Variants in VPS37A observed in about 807,000 individuals in gnomAD.
VPS37A encodes vacuolar protein sorting-associated protein 37A.
Under a neutral mutation model 49.8 loss-of-function variants are expected in VPS37A, and 30 were observed. The ratio of observed to expected loss-of-function variants is 0.60; its 90% confidence interval spans 0.45 to 0.82. The LOEUF is 0.82. Ranked by LOEUF, VPS37A falls within the 40% of genes least tolerant of loss-of-function variation. The pLI is 0.00. For synonymous variants in VPS37A, 195 were observed against 160.6 expected, an observed-to-expected ratio of 1.21 and a Z score of -1.62; for missense variants, 593 against 464.4, an observed-to-expected ratio of 1.28 and a Z score of -2.55.
intron 1 of VPS37A, among the ~76,000 whole-genome samples, chr8:17,252,822 A>G (rs974835405): frequency 2.6e-5 from 4 of 152,246 alleles, no homozygotes; most frequent in South Asian, 2.1e-4. Flanking sequence ...AAAAAATTCT[A>G]CAAGCATCTG....
At chr8:17,255,369 T>C (rs893995590) in intron 1 of VPS37A, among the ~76,000 whole-genome samples, 1 of 152,042 alleles carries the variant, frequency 6.6e-6, no homozygotes, top group Non-Finnish European at 1.5e-5. Flanking sequence ...TAATCCCAGC[T>C]ACTCGGGAGG....
chr8:17,277,581 C>T (rs1814635992), intron 6 of VPS37A, among the ~76,000 whole-genome samples: 2 of 151,954 alleles, frequency 1.3e-5, no homozygotes, highest in East Asian at 1.9e-4. Context: ...CCAGATAATA[C>T]ATCCTTTTTA....
downstream of VPS37A, chr8:17,300,069 C>G (rs755175104): frequency 6.2e-6 from 10 of 1,613,962 alleles, no homozygotes; most frequent in Admixed American, 1.3e-4. Context: ...GTGAAGGGCT[C>G]CGGGATGGAA....
downstream of VPS37A, among the ~76,000 whole-genome samples, chr8:17,307,024 A>C (rs1419727069): frequency 1.3e-5 from 2 of 152,210 alleles, no homozygotes; most frequent in Non-Finnish European, 2.9e-5. Context: ...GCAGCAAAAG[A>C]CAAAATTGAC....
In VPS37A at chr8:17,269,350, C is replaced by T. The variant is rs1291050137; in HGVS notation, c.416+394C>T. Among the ~76,000 whole-genome samples the T allele has an allele frequency of 7.2e-5, 11 of 152,222 alleles. No individual in the cohort carries two copies. The South Asian group carries it at 1.4e-3, about 20-fold the overall frequency. On this transcript the variant is annotated intron_variant, in intron 4 of 11. Transcript: ENST00000324849. Reference sequence around the variant, plus strand: ...CTGTGACTCTCAATATTGTCCATTGCTGAGCCAAGTATGTTACCATGTTTA... The same window carrying T: ...CTGTGACTCTCAATATTGTCCATTGTTGAGCCAAGTATGTTACCATGTTTA...
chr8:17,318,851 T>A, the VPS37A span, among the ~76,000 whole-genome samples: 1 of 152,226 alleles, frequency 6.6e-6, no homozygotes, highest in South Asian at 2.1e-4. Flanking sequence ...CAGCCCCTGC[T>A]GCAGGCCTTC....
rs1000910730 is a variant in VPS37A at position 17,265,893 on chromosome 8, A to C, written c.126-14A>C. 9 of 1,613,076 alleles carry C rather than the reference A, an allele frequency of 5.6e-6. No homozygotes were observed. Among genetic ancestry groups the C allele is most frequent in the Non-Finnish European group, 7.6e-6 (9 of 1,179,550 alleles). On this transcript the variant is annotated splice_polypyrimidine_tract_variant and intron_variant, in intron 1 of 11. Coordinates refer to ENST00000324849, the MANE Select transcript of VPS37A (RefSeq NM_152415.3). ...CATGACTTTGGGTAAATTTTTTAAA[A>C]TTTTCTCCTGCAGTATAGCCGAAAT...
chr8:17,266,648 C>T lies in VPS37A; in HGVS notation c.200+667C>T, dbSNP rs144023887. Among the ~76,000 whole-genome samples, 407 of 152,322 alleles carry T rather than the reference C, an allele frequency of 2.7e-3. 3 individuals carry two copies. Among genetic ancestry groups the T allele is most frequent in the Middle Eastern group, 0.01 (3 of 294 alleles). On this transcript the variant is annotated intron_variant, in intron 2 of 11. Coordinates refer to ENST00000324849, the MANE Select transcript of VPS37A (RefSeq NM_152415.3). The stretch of plus-strand genomic sequence containing the variant: ...CCTAACTTGAAGACAGGAACCTTAT[C>T]ATATTCACCTTCACGTTCTCCTTGC...
At chr8:17,270,336 C>T (rs1585991607) in intron 4 of VPS37A, among the ~76,000 whole-genome samples, 3 of 152,092 alleles carry the variant, frequency 2.0e-5, no homozygotes, top group South Asian at 2.1e-4. Context: ...GGACCAGTGG[C>T]GATAACTCAT....
At chr8:17,254,568 C>T (rs1812264275) in intron 1 of VPS37A, among the ~76,000 whole-genome samples, 1 of 152,132 alleles carries the variant, frequency 6.6e-6, no homozygotes, top group Non-Finnish European at 1.5e-5. Context: ...CAAACTGCTC[C>T]AAACTTTATA....
At chr8:17,311,715 CTG>C in the VPS37A span, 24 of 1,596,710 alleles carry the variant, frequency 1.5e-5, no homozygotes, top group East Asian at 2.7e-4. Flanking sequence ...CCAGGTTTGA[CTG>C]TATATTTACA....
intron 4 of VPS37A, among the ~76,000 whole-genome samples, chr8:17,269,285 C>T (rs1378966944): frequency 1.3e-5 from 2 of 152,096 alleles, no homozygotes; most frequent in African/African-American, 4.8e-5. Flanking sequence ...GAAATTATAT[C>T]ATGATTTTTA....
rs1165966836 is a variant in VPS37A at position 17,296,814 on chromosome 8, T to A, written c.*1828T>A. 1 of 152,218 alleles carries A rather than the reference T, an allele frequency of 6.6e-6. No homozygotes were observed. The highest frequency in any genetic ancestry group is 2.1e-4 in the South Asian group (1 of 4,834). The allele number at this position is 152,218 out of a possible 1,614,324, so 9.4% of individuals were successfully genotyped here. A position where few individuals can be genotyped will look rare whatever the true frequency, so the allele number is the denominator to read the frequency against. ...ATGAGTAGTTCATCTCAGTGTTTTTTATTCTTTAAAGTTGAACTATCCCAG... is the reference window on the plus strand; with the variant it reads ...ATGAGTAGTTCATCTCAGTGTTTTTAATTCTTTAAAGTTGAACTATCCCAG... On this transcript the variant is annotated 3_prime_UTR_variant, in exon 12 of 12. Coordinates refer to ENST00000324849, the MANE Select transcript of VPS37A (RefSeq NM_152415.3).
chr8:17,288,729 T>C (rs1815858104), intron 11 of VPS37A, among the ~76,000 whole-genome samples: 1 of 152,202 alleles, frequency 6.6e-6, no homozygotes, highest in Non-Finnish European at 1.5e-5. Context: ...ACTTTGGGTA[T>C]ATACCCAGTA....
chr8:17,322,504 G>A, the VPS37A span, among the ~76,000 whole-genome samples: 2 of 152,124 alleles, frequency 1.3e-5, no homozygotes, highest in South Asian at 2.1e-4. Flanking sequence ...AACTGCAGAG[G>A]TGTGTAAAAC....
At chr8:17,266,876 G>A (rs999690612) in intron 2 of VPS37A, among the ~76,000 whole-genome samples, 3 of 152,012 alleles carry the variant, frequency 2.0e-5, no homozygotes, top group Admixed American at 1.3e-4. Flanking sequence ...GGGTTCAAGC[G>A]ATTCTCCTGC....
intron 1 of VPS37A, among the ~76,000 whole-genome samples, chr8:17,263,554 G>A (rs912841596): frequency 4.9e-4 from 75 of 152,072 alleles, no homozygotes; most frequent in African/African-American, 1.8e-3. Context: ...ACTGTCATCA[G>A]TATAACTGGA....
the VPS37A span, among the ~76,000 whole-genome samples, chr8:17,319,989 TA>T: frequency 1.3e-5 from 2 of 152,192 alleles, no homozygotes. Flanking sequence ...GCTGTAAGTG[TA>T]AAATATGAAT....
chr8:17,331,903 G>T, the VPS37A span, among the ~76,000 whole-genome samples: 1 of 152,120 alleles, frequency 6.6e-6, no homozygotes, highest in African/African-American at 2.4e-5. Context: ...TGGGCTTTTT[G>T]ATCACTTTCA....
Sources: allele counts gnomAD v4.1 joint callset (sites outside exome capture counted in the v4.1 genomes callset), GRCh38; gene constraint gnomAD v4.1.1; transcripts MANE v1.5; gene names NCBI Gene and HGNC (gene_info 2026-07-23, HGNC 2026-07-21).